RAD52: variants seen among roughly 807,000 people sequenced by gnomAD.
RAD52 encodes DNA repair protein RAD52 homolog.
In RAD52, 47 loss-of-function variants were observed where a neutral mutation model predicts 55.5. The ratio of observed to expected loss-of-function variants is 0.85; its 90% confidence interval spans 0.67 to 1.08. RAD52 has a LOEUF of 1.08. Among genes scored for constraint, RAD52 ranks in the 50% least tolerant of loss-of-function variants. RAD52 has a pLI of 0.00. For synonymous variants in RAD52, 184 were observed against 198.9 expected, an observed-to-expected ratio of 0.92 and a Z score of 0.63; for missense variants, 468 against 522.8, an observed-to-expected ratio of 0.90 and a Z score of 1.02.
At chr12:927,477 C>T (rs1240465866) in intron 5 of RAD52, among the ~76,000 whole-genome samples, 4 of 152,128 alleles carry the variant, frequency 2.6e-5, no homozygotes, top group African/African-American at 9.7e-5. Context: ...GGTGTCAAGA[C>T]GATCCTCCCT....
chr12:980,290 C>G lies in RAD52; in HGVS notation c.-19+9519G>C, dbSNP rs549252806. 3.3e-5 allele frequency among the ~76,000 whole-genome samples: 5 copies of G among 149,394 alleles called. No homozygotes were observed. The South Asian group carries it at 1.1e-3, about 32-fold the overall frequency. Reference sequence around the variant, plus strand: ...TGCAAAATGTCTCCTATTGTGTTGTCTTTCCTTTTTTTTTTTTTTTGAGAC... The same window carrying G: ...TGCAAAATGTCTCCTATTGTGTTGTGTTTCCTTTTTTTTTTTTTTTGAGAC... On this transcript the variant is annotated intron_variant, in intron 1 of 11. Coordinates refer to the RAD52 transcript ENST00000430095.
Position 913,172 on chromosome 12 carries a change from C to A in RAD52, c.*219G>T, listed in dbSNP as rs900159660. The A allele has an allele frequency of 1.1e-3, 602 of 535,848 alleles. 1 individual carries two copies. Among genetic ancestry groups the A allele is most frequent in the Non-Finnish European group, 1.3e-3 (400 of 304,260 alleles). The allele number at this position is 535,848 out of a possible 1,614,324, so 33.2% of individuals were successfully genotyped here. On this transcript the variant is annotated 3_prime_UTR_variant, in exon 12 of 12. Transcript: ENST00000358495. Reference sequence around the variant, plus strand: ...GCCGAAGAAAAGGTATTCATCTGTCCAGAGCCTCTCCCTACTAGAGTGATG... The same window carrying A: ...GCCGAAGAAAAGGTATTCATCTGTCAAGAGCCTCTCCCTACTAGAGTGATG...
At chr12:967,836 T>G (rs1565707790) in intron 1 of RAD52, among the ~76,000 whole-genome samples, 3 of 151,980 alleles carry the variant, frequency 2.0e-5, no homozygotes, top group Admixed American at 6.6e-5. Flanking sequence ...TTTGAGAGGC[T>G]GGGGTGGGAG....
At chr12:980,158 C>G (rs1007203314) in intron 1 of RAD52, among the ~76,000 whole-genome samples, 14 of 152,060 alleles carry the variant, frequency 9.2e-5, no homozygotes, top group African/African-American at 3.1e-4. Context: ...CCACTGCACT[C>G]CAGCCTGGGC....
chr12:963,655 T>C (rs1392612777), intron 1 of RAD52, among the ~76,000 whole-genome samples: 1 of 152,090 alleles, frequency 6.6e-6, no homozygotes, highest in Non-Finnish European at 1.5e-5. Context: ...ATACTATAAA[T>C]AGAATTTTTA....
intron 1 of RAD52, among the ~76,000 whole-genome samples, chr12:962,917 A>T (rs1017715182): frequency 9.2e-5 from 14 of 151,934 alleles, no homozygotes; most frequent in Non-Finnish European, 1.8e-4. Context: ...CTCTGTTGGA[A>T]TTTTTTACAC....
At chr12:983,323 T>C (rs949936789) in intron 1 of RAD52, among the ~76,000 whole-genome samples, 1 of 152,052 alleles carries the variant, frequency 6.6e-6, no homozygotes, top group Non-Finnish European at 1.5e-5. Context: ...ACAGTTTGGG[T>C]GGTTTAAGCA....
Position 931,240 on chromosome 12 carries a change from T to A in RAD52, c.166A>T (p.Met56Leu). ...CCTACCTTCTGGCCTCCGCCAGCCA[T>A]GCGGCTACTTATGTATTCTGGGCCC... is the stretch of plus-strand genomic sequence containing the variant. ...RLGPEYISSR[M>L]AGGGQKVCYI... Residue 56 changes from methionine to leucine, a missense_variant, in exon 3 of 12, where the codon ATG (methionine) becomes TTG (leucine). Coordinates refer to ENST00000358495, the MANE Select transcript of RAD52 (RefSeq NM_134424.4). The A allele has an allele frequency of 6.2e-7, 1 of 1,612,608 alleles. No homozygotes were observed. The highest frequency in any genetic ancestry group is 8.5e-7 in the Non-Finnish European group (1 of 1,179,590).
rs560557975 is a variant in RAD52 at position 930,213 on chromosome 12, T to C, written c.187-69A>G. On this transcript the variant is annotated intron_variant, in intron 3 of 11. Coordinates refer to ENST00000358495, the MANE Select transcript of RAD52 (RefSeq NM_134424.4). ...TACCACACTTAAATGTGAATCAAAA[T>C]TGACATAATTTATTCCTCATCTACT... 82 of 1,225,156 alleles carry C rather than the reference T, an allele frequency of 6.7e-5. 1 individual carries two copies. In the South Asian group the frequency reaches 9.9e-4, roughly 15 times the overall value. 75.9% of individuals were successfully genotyped at this position (1,225,156 alleles called of 1,614,324 possible).
chr12:917,952 C>T (rs756791806), intron 7 of RAD52, among the ~76,000 whole-genome samples: 29 of 151,786 alleles, frequency 1.9e-4, no homozygotes, highest in Non-Finnish European at 7.4e-5. Flanking sequence ...AAAAAAGAAA[C>T]GAGCTTTGAA....
chr12:959,264 T>G (rs1318713423), intron 1 of RAD52, among the ~76,000 whole-genome samples: 4 of 152,236 alleles, frequency 2.6e-5, no homozygotes, highest in African/African-American at 4.8e-5. Context: ...TTAGGGACTC[T>G]CAAATCCAAG....
upstream of RAD52, chr12:990,777 C>A (rs528639796): frequency 6.6e-6 from 1 of 152,100 alleles, no homozygotes; most frequent in South Asian, 2.1e-4. Flanking sequence ...TAACGGGCCA[C>A]GAGAAGTAGG....
At position 966,141 on chromosome 12, in the gene RAD52, T is replaced by C. The variant is rs375544575; in HGVS notation, c.-19+23668A>G. 3.2e-4 allele frequency among the ~76,000 whole-genome samples: 48 copies of C among 152,160 alleles called. No homozygotes were observed. In the South Asian group the frequency reaches 9.1e-3, roughly 29 times the overall value. On this transcript the variant is annotated intron_variant, in intron 1 of 11. Coordinates refer to the RAD52 transcript ENST00000430095. ...ACCACAACTGGTTAATTTTTAAAAA[T>C]TTTTTAGTAGAGTTGAGGTCTTGTT...
Position 916,374 on chromosome 12 carries a change from C to T in RAD52, c.835G>A (p.Val279Ile). 1.2e-6 allele frequency: 2 copies of T among 1,608,226 alleles called. No individual in the cohort carries two copies. Among genetic ancestry groups the T allele is most frequent in the Non-Finnish European group, 1.7e-6 (2 of 1,179,880 alleles). ...RERMEKQQVR[V>I]STPSAEKSEA... Reference sequence around the variant, plus strand: ...CTCTTCTCAGCTGACGGCGTGGAGACTCGAACCTGCTGCTTCTCCATCCGC... The same window carrying T: ...CTCTTCTCAGCTGACGGCGTGGAGATTCGAACCTGCTGCTTCTCCATCCGC... The change falls in exon 9 of 12, where the codon GTC becomes ATC. Residue 279 changes from valine (V) to isoleucine (I), a missense_variant. Transcript: ENST00000358495.
intron 1 of RAD52, chr12:974,510 C>G (rs1245869818): frequency 6.6e-6 from 1 of 152,160 alleles, no homozygotes; most frequent in Non-Finnish European, 1.5e-5. Context: ...TGAAGAGTGG[C>G]CAACTCAGAC....
At chr12:925,219 G>GGA (rs1359120136) in intron 7 of RAD52, among the ~76,000 whole-genome samples, 1 of 152,098 alleles carries the variant, frequency 6.6e-6, no homozygotes, top group Non-Finnish European at 1.5e-5. Context: ...CAAAGTGCTG[G>GGA]GATTCCAGGC....
chr12:923,864 C>T (rs1956872329), intron 7 of RAD52, among the ~76,000 whole-genome samples: 1 of 149,964 alleles, frequency 6.7e-6, no homozygotes, highest in African/African-American at 2.5e-5. Context: ...TCAAGACCAG[C>T]CTGGCCAACA....
At chr12:915,162 C>T (rs529327194) in intron 9 of RAD52, among the ~76,000 whole-genome samples, 1 of 152,146 alleles carries the variant, frequency 6.6e-6, no homozygotes, top group African/African-American at 2.4e-5. Context: ...AAATCTTCAG[C>T]CAAAATCTGA....
At chr12:919,439 C>G (rs748394159) in intron 7 of RAD52, among the ~76,000 whole-genome samples, 1 of 151,338 alleles carries the variant, frequency 6.6e-6, no homozygotes, top group Non-Finnish European at 1.5e-5. Flanking sequence ...AATTCCGTCT[C>G]AACAACAAAA....
Sources: gnomAD v4.1 joint callset for allele counts (sites outside exome capture counted in the v4.1 genomes callset) on GRCh38, gnomAD v4.1.1 for gene constraint, MANE v1.5 for transcripts, NCBI Gene and HGNC (gene_info 2026-07-23, HGNC 2026-07-21) for gene names.